Variants in CMC2 observed in about 807,000 individuals in gnomAD.
CMC2 encodes COX assembly mitochondrial protein 2 homolog.
In CMC2, 5 loss-of-function variants were observed where a neutral mutation model predicts 7.5. The observed-to-expected ratio is 0.66, with a 90% CI of 0.35 to 1.40. The LOEUF is 1.40. CMC2 is among the 40% of genes most tolerant of loss of function. CMC2 has a pLI of 0.04. For missense variants in CMC2, 115 were observed against 92.3 expected (o/e 1.25, Z -1.01); for synonymous variants, 37 against 31.4 (o/e 1.18, Z -0.60).
In CMC2 at chr16:80,971,599, C is replaced by CATATATATATATATATATAT. The variant is rs947816734; in HGVS notation, c.*4493_*4494insATATATATATATATATATAT. 8.8e-5 allele frequency: 10 copies of CATATATATATATATATATAT among 113,244 alleles called. No homozygotes were observed. The highest frequency in any genetic ancestry group is 3.2e-4 in the African/African-American group (7 of 21,872). 7.0% of individuals were successfully genotyped at this position (113,244 alleles called of 1,614,324 possible). Reference sequence around the variant, plus strand: ...ATATATATATATGTATGAAATCATGCATATATATATATGTATGAAATCATG... The same window carrying CATATATATATATATATATAT: ...ATATATATATATGTATGAAATCATGCATATATATATATATATATATATATATATATATGTATGAAATCATG... On this transcript the variant is annotated 3_prime_UTR_variant, in exon 4 of 4. Coordinates refer to ENST00000219400, the MANE Select transcript of CMC2 (RefSeq NM_020188.5).
Position 80,968,370 on chromosome 16 carries a change from T to G in CMC2, c.*7723A>C, listed in dbSNP as rs1462154233. 1 of 152,188 alleles carries G rather than the reference T, an allele frequency of 6.6e-6. No homozygotes were observed. The highest frequency in any genetic ancestry group is 1.5e-5 in the Non-Finnish European group (1 of 68,058). 9.4% of individuals were successfully genotyped at this position (152,188 alleles called of 1,614,324 possible). ...ACAGGCGCAAGCCACCCCACACGGC[T>G]GAGATTCTGCGTTGCTAACAAACTT... On this transcript the variant is annotated 3_prime_UTR_variant, in exon 4 of 4. Coordinates refer to ENST00000219400, the MANE Select transcript of CMC2 (RefSeq NM_020188.5).
chr16:80,986,746 A>C (rs966660921), intron 2 of CMC2, among the ~76,000 whole-genome samples: 3 of 152,268 alleles, frequency 2.0e-5, no homozygotes, highest in Admixed American at 2.0e-4. Context: ...CTTTCAGCCA[A>C]GAATGACAGT....
intron 1 of CMC2, among the ~76,000 whole-genome samples, chr16:80,999,802 G>C (rs747710394): frequency 1.3e-5 from 2 of 152,132 alleles, no homozygotes; most frequent in Non-Finnish European, 2.9e-5. Context: ...AATGGCAAAA[G>C]GACTTCCCAT....
intron 1 of CMC2, among the ~76,000 whole-genome samples, chr16:81,005,634 G>C (rs949445220): frequency 6.6e-6 from 1 of 152,062 alleles, no homozygotes; most frequent in Non-Finnish European, 1.5e-5. Context: ...ACTGGCGCTG[G>C]CACTGTAGAC....
intron 1 of CMC2, among the ~76,000 whole-genome samples, chr16:81,003,219 A>G (rs1400379076): frequency 6.6e-6 from 1 of 152,246 alleles, no homozygotes; most frequent in Non-Finnish European, 1.5e-5. Context: ...GTCTTCCAGC[A>G]CTCACCTTTA....
chr16:80,991,206 C>A (rs577767426), intron 2 of CMC2, among the ~76,000 whole-genome samples: 2 of 152,236 alleles, frequency 1.3e-5, no homozygotes, highest in African/African-American at 4.8e-5. Flanking sequence ...CTCTCCAGAA[C>A]AGAATTCCAC....
intron 1 of CMC2, 116 bp downstream of exon 1, chr16:81,006,618 G>A (rs1011067436): frequency 2.5e-6 from 2 of 787,390 alleles, no homozygotes; most frequent in Non-Finnish European, 3.1e-6. Flanking sequence ...GGTCTTCCTG[G>A]TCCCCACCTC....
intron 2 of CMC2, among the ~76,000 whole-genome samples, chr16:80,992,623 G>T (rs1384788427): frequency 6.6e-6 from 1 of 151,192 alleles, no homozygotes; most frequent in Non-Finnish European, 1.5e-5. Flanking sequence ...ATGTTTAAAG[G>T]CCATCTTTTC....
chr16:80,991,118 G>A (rs928492225), intron 2 of CMC2, among the ~76,000 whole-genome samples: 4 of 151,464 alleles, frequency 2.6e-5, no homozygotes, highest in African/African-American at 9.7e-5. Context: ...AAGTAGTATT[G>A]GATTATAACC....
intron 1 of CMC2, among the ~76,000 whole-genome samples, chr16:81,002,743 G>A (rs117641928): frequency 0.011 from 1,738 of 152,076 alleles, 10 homozygotes; most frequent in Middle Eastern, 0.037. Context: ...ATCAGGGTAG[G>A]GTACCAATAA....
chr16:80,998,100 G>A (rs959242007), intron 1 of CMC2: 8 of 122,456 alleles, frequency 6.5e-5, no homozygotes, highest in Admixed American at 5.8e-4. Flanking sequence ...ATGGGCAGCT[G>A]TTCTTTTTTT....
intron 1 of CMC2, among the ~76,000 whole-genome samples, chr16:81,004,201 C>T (rs1035478474): frequency 6.7e-6 from 1 of 150,334 alleles, no homozygotes; most frequent in African/African-American, 2.4e-5. Flanking sequence ...CTAGCCTGGT[C>T]GAAAGAGTGA....
At chr16:81,005,561 G>A (rs1446349629) in intron 1 of CMC2, among the ~76,000 whole-genome samples, 2 of 145,178 alleles carry the variant, frequency 1.4e-5, no homozygotes, top group East Asian at 2.0e-4. Context: ...GTCGGGGACG[G>A]CCTCCCCTGC....
intron 1 of CMC2, among the ~76,000 whole-genome samples, chr16:81,004,135 T>G (rs1449571103): frequency 6.6e-6 from 1 of 152,078 alleles, no homozygotes; most frequent in Non-Finnish European, 1.5e-5. Flanking sequence ...GGCAGGGGAA[T>G]CGCTTCAGCC....
intron 3 of CMC2, among the ~76,000 whole-genome samples, chr16:80,977,338 C>T (rs1020947868): frequency 2.0e-5 from 3 of 152,148 alleles, no homozygotes; most frequent in Non-Finnish European, 2.9e-5. Context: ...AGCAGAGGAC[C>T]TTAAAAGTGT....
chr16:80,995,227 G>A (rs1380548533), intron 2 of CMC2, among the ~76,000 whole-genome samples: 1 of 148,558 alleles, frequency 6.7e-6, no homozygotes, highest in Admixed American at 6.8e-5. Context: ...TTGCCTAAAT[G>A]TCCATTAATA....
intron 2 of CMC2, chr16:80,983,599 C>A (rs770227044): frequency 1.3e-5 from 2 of 152,264 alleles, no homozygotes; most frequent in Non-Finnish European, 2.9e-5. Context: ...CTACCAAACA[C>A]TGTCCTGTAA....
chr16:80,986,380 G>T (rs759658257), intron 2 of CMC2, among the ~76,000 whole-genome samples: 1 of 151,462 alleles, frequency 6.6e-6, no homozygotes, highest in Admixed American at 6.6e-5. Flanking sequence ...ATAAAATGCA[G>T]ATTCCTAACA....
At chr16:80,995,398 G>A (rs2602433) in intron 2 of CMC2, among the ~76,000 whole-genome samples, 99,073 of 151,976 alleles carry the variant, frequency 0.65, 34,046 homozygotes, top group South Asian at 0.8. Context: ...GCTCATGCCT[G>A]TAATCCCAGC....
Sources: gnomAD v4.1 joint callset for allele counts (sites outside exome capture counted in the v4.1 genomes callset) on GRCh38, gnomAD v4.1.1 for gene constraint, MANE v1.5 for transcripts, NCBI Gene and HGNC (gene_info 2026-07-23, HGNC 2026-07-21) for gene names.